ADCY8: variants seen among roughly 807,000 people sequenced by gnomAD.
ADCY8 encodes the protein adenylate cyclase type 8.
ADCY8 carries 51 observed loss-of-function variants against 119.7 expected under a neutral mutation model. The observed-to-expected ratio is 0.43, with a 90% CI of 0.34 to 0.54. ADCY8 has a LOEUF of 0.54. Among genes scored for constraint, ADCY8 ranks in the 20% least tolerant of loss-of-function variants. ADCY8 has a pLI of 0.03. For missense variants in ADCY8, 1,383 were observed against 1,598.8 expected, an observed-to-expected ratio of 0.87 and a Z score of 2.30; for synonymous variants, 665 against 651.0, an observed-to-expected ratio of 1.02 and a Z score of -0.33.
intron 6 of ADCY8, among the ~76,000 whole-genome samples, chr8:130,904,350 C>T (rs1819711019): frequency 8.1e-6 from 1 of 123,432 alleles, no homozygotes; most frequent in Non-Finnish European, 1.7e-5. Context: ...TCCCAGCAAA[C>T]TTTACAAAAC....
intron 5 of ADCY8, among the ~76,000 whole-genome samples, chr8:130,922,366 G>A (rs1315091197): frequency 6.6e-6 from 1 of 151,664 alleles, no homozygotes; most frequent in Non-Finnish European, 1.5e-5. Context: ...GCCTTCCGCA[G>A]TGTTTGTGTC....
At chr8:130,875,681 T>G (rs538876223) in intron 8 of ADCY8, among the ~76,000 whole-genome samples, 1 of 152,232 alleles carries the variant, frequency 6.6e-6, no homozygotes. Flanking sequence ...TAAAAGTTGA[T>G]GGGATGAAGT....
At chr8:130,950,576 C>A (rs1481455072) in intron 3 of ADCY8, among the ~76,000 whole-genome samples, 1 of 152,228 alleles carries the variant, frequency 6.6e-6, no homozygotes, top group Non-Finnish European at 1.5e-5. Flanking sequence ...GGCCTAAGTG[C>A]TCTGGCTTGA....
At chr8:130,822,608 A>ATG (rs1234805135) in intron 12 of ADCY8, among the ~76,000 whole-genome samples, 18 of 151,486 alleles carry the variant, frequency 1.2e-4, no homozygotes, top group African/African-American at 4.4e-4. Flanking sequence ...CCAGCCATCC[A>ATG]CCATCACCAT....
chr8:130,951,275 C>T (rs181838654), intron 3 of ADCY8, among the ~76,000 whole-genome samples: 1 of 152,136 alleles, frequency 6.6e-6, no homozygotes, highest in South Asian at 2.1e-4. Flanking sequence ...AGCTTGTGTG[C>T]CTCACCATGG....
At chr8:131,026,036 A>G (rs1823812627) in intron 1 of ADCY8, among the ~76,000 whole-genome samples, 1 of 152,212 alleles carries the variant, frequency 6.6e-6, no homozygotes, top group South Asian at 2.1e-4. Context: ...TACTCCATAA[A>G]TATTCGCCAT....
intron 17 of ADCY8, among the ~76,000 whole-genome samples, chr8:130,782,049 A>G (rs1361118347): frequency 6.6e-6 from 1 of 152,216 alleles, no homozygotes; most frequent in Non-Finnish European, 1.5e-5. Flanking sequence ...AGAAAAATCA[A>G]TGAGGGTAAA....
chr8:130,835,025 C>T (rs1422187325), intron 12 of ADCY8, among the ~76,000 whole-genome samples: 1 of 152,154 alleles, frequency 6.6e-6, no homozygotes, highest in Non-Finnish European at 1.5e-5. Flanking sequence ...TTGTTTACTT[C>T]CAGGGCTTGG....
Position 131,039,419 on chromosome 8 carries a change from G to A in ADCY8, c.915C>T (p.Ile305=). The change falls in exon 1 of 18, where the codon ATC becomes ATT. Residue 305 remains isoleucine, a synonymous_variant. Coordinates refer to ENST00000286355, the MANE Select transcript of ADCY8 (RefSeq NM_001115.3). ...AGLGTSLLQV[I]LQVVIPRLAV... Reference sequence around the variant, plus strand: ...CCAGCCGGGGTATGACCACTTGGAGGATGACCTGCAGCAGCGAGGTGCCCA... The same window carrying A: ...CCAGCCGGGGTATGACCACTTGGAGAATGACCTGCAGCAGCGAGGTGCCCA... 1 of 1,614,186 alleles carries A rather than the reference G, an allele frequency of 6.2e-7. No individual in the cohort carries two copies. Among genetic ancestry groups the A allele is most frequent in the South Asian group, 1.1e-5 (1 of 91,084 alleles).
At chr8:130,872,370 A>G (rs2917048) in intron 8 of ADCY8, among the ~76,000 whole-genome samples, 39,609 of 152,128 alleles carry the variant, frequency 0.26, 5,501 homozygotes, top group South Asian at 0.44. Context: ...ACCTTCACAG[A>G]TTGCAAATAG....
chr8:130,790,438 C>G (rs1815390547), intron 15 of ADCY8, among the ~76,000 whole-genome samples: 1 of 152,138 alleles, frequency 6.6e-6, no homozygotes, highest in Non-Finnish European at 1.5e-5. Context: ...GTAGCCTGTT[C>G]TATTTTTGTG....
At chr8:130,793,431 A>G (rs373715725) in intron 15 of ADCY8, among the ~76,000 whole-genome samples, 1 of 152,232 alleles carries the variant, frequency 6.6e-6, no homozygotes, top group African/African-American at 2.4e-5. Context: ...TGTTCCCTGC[A>G]TTATCTTCCC....
chr8:131,009,299 C>T lies in ADCY8; in HGVS notation c.961-18757G>A, dbSNP rs555717790. Among the ~76,000 whole-genome samples, 7 of 152,284 alleles carry T rather than the reference C, an allele frequency of 4.6e-5. No individual in the cohort carries two copies. In the South Asian group the frequency reaches 1.5e-3, roughly 32 times the overall value. On this transcript the variant is annotated intron_variant, in intron 1 of 17. Transcript: ENST00000286355. Reference sequence around the variant, plus strand: ...CTCTGTGCAGCCTCAGGACTTGGCGCTCTGAGCCCCAGTCATGGCTAAAAG... The same window carrying T: ...CTCTGTGCAGCCTCAGGACTTGGCGTTCTGAGCCCCAGTCATGGCTAAAAG...
At chr8:130,824,235 G>A (rs1357633869) in intron 12 of ADCY8, among the ~76,000 whole-genome samples, 6 of 151,930 alleles carry the variant, frequency 3.9e-5, no homozygotes, top group African/African-American at 1.5e-4. Flanking sequence ...CTTTTATTCT[G>A]TTGTCATAAT....
At chr8:130,848,461 C>T (rs1817403126) in intron 10 of ADCY8, among the ~76,000 whole-genome samples, 1 of 152,172 alleles carries the variant, frequency 6.6e-6, no homozygotes, top group African/African-American at 2.4e-5. Context: ...TGATAATTTT[C>T]CTTTTCCTCT....
chr8:130,825,175 T>A (rs1282594058), intron 12 of ADCY8, among the ~76,000 whole-genome samples: 2 of 152,226 alleles, frequency 1.3e-5, no homozygotes, highest in Non-Finnish European at 2.9e-5. Flanking sequence ...ACCTCACATA[T>A]TTATCATTTC....
chr8:130,850,259 G>A (rs1817477598), intron 9 of ADCY8, among the ~76,000 whole-genome samples: 1 of 152,128 alleles, frequency 6.6e-6, no homozygotes, highest in South Asian at 2.1e-4. Context: ...TCCTGGTTTT[G>A]TGGTTTTCAT....
intron 8 of ADCY8, among the ~76,000 whole-genome samples, chr8:130,884,210 A>C (rs1209500000): frequency 1.3e-5 from 2 of 152,218 alleles, no homozygotes; most frequent in African/African-American, 4.8e-5. Flanking sequence ...AAATGGTTGC[A>C]GCTGATGTGA....
intron 2 of ADCY8, among the ~76,000 whole-genome samples, chr8:130,983,298 A>G (rs1226220424): frequency 6.6e-6 from 1 of 152,176 alleles, no homozygotes; most frequent in African/African-American, 2.4e-5. Context: ...TAAATCTACA[A>G]TCCAGCAGGG....
Sources: gnomAD v4.1 joint callset for allele counts (sites outside exome capture counted in the v4.1 genomes callset) on GRCh38, gnomAD v4.1.1 for gene constraint, MANE v1.5 for transcripts, NCBI Gene and HGNC (gene_info 2026-07-23, HGNC 2026-07-21) for gene names.